Variants in PATZ1 observed in about 807,000 individuals in gnomAD.
PATZ1 encodes POZ/BTB and AT hook containing zinc finger 1, also known as POZ-, AT hook-, and zinc finger-containing protein 1.
A neutral mutation model predicts 46.2 loss-of-function variants in PATZ1; 9 were observed. The ratio of observed to expected loss-of-function variants is 0.19; its 90% CI spans 0.12 to 0.34. The LOEUF (loss-of-function observed/expected upper bound fraction) is 0.34. Among genes scored for constraint, PATZ1 ranks in the 10% least tolerant of loss-of-function variants. The pLI is 1.00. For missense variants in PATZ1, 632 were observed against 923.0 expected, an observed-to-expected ratio of 0.68 and a Z score of 4.08; for synonymous variants, 426 against 378.6, an observed-to-expected ratio of 1.13 and a Z score of -1.45.
chr22:31,327,348 G>A lies in PATZ1; in HGVS notation c.1646-39C>T. On this transcript the variant is annotated intron_variant, in intron 4 of 4. Transcript: ENST00000266269. This position sits in a 1 kb window ranked among gnomAD's most constrained non-coding sequence, Gnocchi z 4.2. The stretch of plus-strand genomic sequence containing the variant: ...AAATATAGGAGAGCGATGAGGCCAG[G>A]CTCTGGAGATGCCCCCTCCTGGAGG... 3 of 1,560,994 alleles carry A rather than the reference G, an allele frequency of 1.9e-6. No homozygotes were observed. In the South Asian group the frequency reaches 3.4e-5, roughly 18 times the overall value.
intron 3 of PATZ1, among the ~76,000 whole-genome samples, chr22:31,332,288 G>A (rs934404601): frequency 1.3e-5 from 2 of 152,180 alleles, no homozygotes; most frequent in African/African-American, 4.8e-5. Flanking sequence ...CAAGTGTTAG[G>A]ATGAAACAGA....
chr22:31,329,154 G>A (rs998125096), intron 3 of PATZ1, among the ~76,000 whole-genome samples: 4 of 152,248 alleles, frequency 2.6e-5, no homozygotes, highest in African/African-American at 9.6e-5. Flanking sequence ...CTGCAAGGCT[G>A]CGGTGAGGGG....
Position 31,326,816 on chromosome 22 carries a change from A to T in PATZ1, c.*75T>A. 1.5e-6 allele frequency: 2 copies of T among 1,344,916 alleles called. No individual in the cohort carries two copies. Among genetic ancestry groups the T allele is most frequent in the Non-Finnish European group, 2.0e-6 (2 of 983,384 alleles). 83.3% of individuals were successfully genotyped at this position (1,344,916 alleles called of 1,614,324 possible). On this transcript the variant is annotated 3_prime_UTR_variant, in exon 5 of 5. Transcript: ENST00000266269. ...AATCTCTCAGCTACAGAACCCAAAC[A>T]TCACTTCCCTCCGCATTCACAGCAT...
chr22:31,341,403 G>C (rs2049578836), intron 2 of PATZ1: 2 of 1,539,472 alleles, frequency 1.3e-6, no homozygotes, highest in Non-Finnish European at 1.7e-6. Context: ...GGGAGGCCCA[G>C]GCTAGCCAAC....
intron 1 of PATZ1, chr22:31,343,316 A>AT: frequency 9.7e-7 from 1 of 1,034,318 alleles, no homozygotes; most frequent in Non-Finnish European, 1.2e-6. Context: ...GGGATATGTG[A>AT]TTCATTGTCC....
chr22:31,338,354 A>C (rs1473201072), intron 2 of PATZ1, among the ~76,000 whole-genome samples: 1 of 152,206 alleles, frequency 6.6e-6, no homozygotes, highest in Non-Finnish European at 1.5e-5. Context: ...AGGTGCTCAT[A>C]CTTTATAACA....
rs772242844 is a variant in PATZ1 at position 31,325,918 on chromosome 22, C to T, written c.*973G>A. On this transcript the variant is annotated 3_prime_UTR_variant, in exon 5 of 5. Transcript: ENST00000266269. ...TGAGGTACACAATGTCCCTACCTGC[C>T]GGCTGTCCCACCTTCCTGGTTCCCA... The T allele has an allele frequency of 3.2e-4, 68 of 214,002 alleles. No individual in the cohort carries two copies. Among genetic ancestry groups the T allele is most frequent in the African/African-American group, 1.8e-4 (8 of 44,204 alleles). 13.3% of individuals were successfully genotyped at this position (214,002 alleles called of 1,614,324 possible).
intron 1 of PATZ1, chr22:31,343,318 T>G (rs2049606749): frequency 2.9e-6 from 3 of 1,031,286 alleles, no homozygotes; most frequent in African/African-American, 1.7e-5. Context: ...GATATGTGAT[T>G]CATTGTCCAG....
intron 2 of PATZ1, among the ~76,000 whole-genome samples, chr22:31,338,313 G>A (rs1238461768): frequency 6.6e-6 from 1 of 152,232 alleles, no homozygotes; most frequent in African/African-American, 2.4e-5. Context: ...ACCATCTCCA[G>A]ATTCAGGAGA....
At chr22:31,343,037 TACACAC>T in intron 1 of PATZ1, 77 bp from the exon 2 acceptor site, 1 of 1,578,048 alleles carries the variant, frequency 6.3e-7, no homozygotes, top group Non-Finnish European at 8.7e-7. Flanking sequence ...CATACGTGTG[TACACAC>T]ACACACACAC....
Position 31,345,122 on chromosome 22 carries a change from C to A in PATZ1, c.481G>T (p.Val161Leu). Residue 161 changes from valine to leucine, a missense_variant, in exon 1 of 5, where the codon GTA (valine) becomes TTA (leucine). Val to Leu is a conservative substitution (Grantham distance 32). Around this residue, in one of 7 missense-constraint regions of PATZ1, gnomAD observed 279 missense variants for 284.3 expected, o/e 0.98. Coordinates refer to ENST00000266269, the MANE Select transcript of PATZ1 (RefSeq NM_014323.3). The surrounding 1 kb of genome is among the most constrained non-coding windows in gnomAD (Gnocchi z 7.4). ...ICQEVIKQSN[V>L]QILVPPARAD... Reference sequence around the variant, plus strand: ...CGGGCAGGGGGTACCAGGATCTGTACGTTGGACTGTTTGATGACTTCCTGG... The same window carrying A: ...CGGGCAGGGGGTACCAGGATCTGTAAGTTGGACTGTTTGATGACTTCCTGG... 1 of 1,614,162 alleles carries A rather than the reference C, an allele frequency of 6.2e-7. No individual in the cohort carries two copies. Among genetic ancestry groups the A allele is most frequent in the South Asian group, 1.1e-5 (1 of 91,084 alleles).
rs1041008181 is a variant in PATZ1 at position 31,345,983 on chromosome 22, G to A, written c.-381C>T. The A allele has an allele frequency of 1.9e-5, 4 of 215,142 alleles. No homozygotes were observed. Among genetic ancestry groups the A allele is most frequent in the African/African-American group, 6.8e-5 (3 of 43,932 alleles). 13.3% of individuals were successfully genotyped at this position (215,142 alleles called of 1,614,324 possible). A position where few individuals can be genotyped will look rare whatever the true frequency, so the allele number is the denominator to read the frequency against. ...GGCGGCGCCGGCGCGCAGCCAAGAA[G>A]GGCACGCGCACGCGGGGAGGAGAAG... On this transcript the variant is annotated 5_prime_UTR_variant, in exon 1 of 5. Coordinates refer to ENST00000266269, the MANE Select transcript of PATZ1 (RefSeq NM_014323.3). The surrounding 1 kb of genome is among the most constrained non-coding windows in gnomAD (Gnocchi z 7.4).
intron 2 of PATZ1, chr22:31,341,537 G>A (rs1439566971): frequency 5.6e-6 from 9 of 1,613,996 alleles, no homozygotes; most frequent in Non-Finnish European, 6.8e-6. Flanking sequence ...CAAGGGCTGG[G>A]AATGATTTTT....
rs2049599541 is a variant in PATZ1, at chr22:31,342,811, G to GGCACACGCAGC, written c.1335+75_1335+85dup. 8.1e-6 allele frequency: 12 copies of GGCACACGCAGC among 1,472,924 alleles called. No individual in the cohort carries two copies. The South Asian group carries it at 1.2e-4, about 15-fold the overall frequency. The allele number at this position is 1,472,924 out of a possible 1,614,324, so 91.2% of individuals were successfully genotyped here. On this transcript the variant is annotated intron_variant, in intron 2 of 4. Coordinates refer to ENST00000266269, the MANE Select transcript of PATZ1 (RefSeq NM_014323.3). ...GCGGTGGGCGGTCAGCCGGGCCCCC[G>GGCACACGCAGC]GCACACGCAGCGGCTGGCTCAAGGC... is the stretch of plus-strand genomic sequence containing the variant.
In PATZ1 at chr22:31,345,567, A is replaced by G. The variant is rs1223421641; in HGVS notation, c.36T>C (p.Ser12=). The G allele has an allele frequency of 6.2e-7, 1 of 1,601,116 alleles. No individual in the cohort carries two copies. The highest frequency in any genetic ancestry group is 1.3e-5 in the African/African-American group (1 of 74,652). The stretch of plus-strand genomic sequence containing the variant: ...TGCTCACCTGGTATGTGTAGCAGCC[A>G]GACGGGCCGCACGAAGCGTCGTTCA... ...ERVNDASCGP[S]GCYTYQVSRH... The change falls in exon 1 of 5, where the codon TCT becomes TCC. Residue 12 remains serine, a synonymous_variant. Transcript: ENST00000266269. This position sits in a 1 kb window ranked among gnomAD's most constrained non-coding sequence, Gnocchi z 7.4.
rs746613842 is a variant in PATZ1, at chr22:31,342,945, G to A, written c.1287C>T (p.Asn429=). Residue 429 remains asparagine, a synonymous_variant, in exon 2 of 5, where the codon AAC becomes AAT. Transcript: ENST00000266269. ...AAGTGTGCACCTGCTTGATATGTCC[G>A]TTCAAGTGATCAGGCCTGGAAAAGA... ...GKGFSRPDHL[N]GHIKQVHTSE... The A allele has an allele frequency of 7.4e-6, 12 of 1,613,970 alleles. No individual in the cohort carries two copies. The highest frequency in any genetic ancestry group is 4.5e-5 in the East Asian group (2 of 44,878).
At position 31,344,955 on chromosome 22, in the gene PATZ1, A is replaced by T. The variant is rs762685486; in HGVS notation, c.648T>A (p.Ala216=). Residue 216 remains alanine (A), a synonymous_variant, in exon 1 of 5, where the codon GCT becomes GCA. Transcript: ENST00000266269. The stretch of plus-strand genomic sequence containing the variant: ...AGGCTTGGCCTGCAATGGCTGCACC[A>T]GCCGCCCGAGCTGCCTCCTCCTCTG... ...MQPEEEAARA[A]GAAIAGQASL... The T allele has an allele frequency of 6.2e-7, 1 of 1,613,612 alleles. No homozygotes were observed. Among genetic ancestry groups the T allele is most frequent in the Non-Finnish European group, 8.5e-7 (1 of 1,180,040 alleles).
At chr22:31,342,279 T>A (rs530960513) in intron 2 of PATZ1, among the ~76,000 whole-genome samples, 1 of 152,136 alleles carries the variant, frequency 6.6e-6, no homozygotes, top group African/African-American at 2.4e-5. Flanking sequence ...TACCTGCTAC[T>A]TTGCAAAGAG....
At chr22:31,329,930 G>A (rs767331354) in intron 3 of PATZ1, among the ~76,000 whole-genome samples, 1 of 152,208 alleles carries the variant, frequency 6.6e-6, no homozygotes, top group Non-Finnish European at 1.5e-5. Flanking sequence ...AAGCTTTTTA[G>A]TATAAGGCCC....
Sources: allele counts gnomAD v4.1 joint callset (sites outside exome capture counted in the v4.1 genomes callset), GRCh38; gene constraint gnomAD v4.1.1; regional missense constraint gnomAD v4.1.1; non-coding constraint Gnocchi (gnomAD v3.1); transcripts MANE v1.5; gene names NCBI Gene and HGNC (gene_info 2026-07-23, HGNC 2026-07-21).